The following KDM4B variants were observed in gnomAD, a reference collection of about 807,000 sequenced individuals.
KDM4B encodes lysine-specific demethylase 4B.
Under a neutral mutation model 125.2 loss-of-function variants are expected in KDM4B, and 32 were observed. The ratio of observed to expected loss-of-function variants is 0.26; its 90% CI spans 0.19 to 0.34. KDM4B has a LOEUF of 0.34. Among genes scored for constraint, KDM4B ranks in the 10% least tolerant of loss-of-function variants. The probability of loss-of-function intolerance (pLI) is 1.00; values close to 1 mark genes in which losing one functional copy is unlikely to be tolerated. For synonymous variants in KDM4B, 721 were observed against 677.9 expected (o/e 1.06, Z -0.99); for missense variants, 1,190 against 1,577.7 (o/e 0.75, Z 4.16).
chr19:5,150,472 G>T, intron 22 of KDM4B, 22 bp downstream of exon 22: 2 of 1,521,662 alleles, frequency 1.3e-6, no homozygotes. Context: ...AGGCTGGCCT[G>T]GTGGCTCCGG....
At chr19:5,001,015 T>C (rs1425770074) in intron 1 of KDM4B, among the ~76,000 whole-genome samples, 1 of 151,882 alleles carries the variant, frequency 6.6e-6, no homozygotes, top group African/African-American at 2.4e-5. Context: ...GAAGCAGATG[T>C]GTATTTTTTT....
At position 4,997,139 on chromosome 19, in the gene KDM4B, C is replaced by A. The variant is rs1272330099; in HGVS notation, c.-108-19118C>A. Among the ~76,000 whole-genome samples, 1 of 152,226 alleles carries A rather than the reference C, an allele frequency of 6.6e-6. No homozygotes were observed. The highest frequency in any genetic ancestry group is 1.5e-5 in the Non-Finnish European group (1 of 68,030). On this transcript the variant is annotated intron_variant, in intron 1 of 22. Transcript: ENST00000159111. The surrounding 1 kb of genome is among the most constrained non-coding windows in gnomAD (Gnocchi z 4.2). ...GACATCGGAAGGCATCCTCTGGGGGCACGATCAGCCTTGGTGGAGAACCCC... is the reference window on the plus strand; with the variant it reads ...GACATCGGAAGGCATCCTCTGGGGGAACGATCAGCCTTGGTGGAGAACCCC...
chr19:4,985,850 ACTGT>A (rs1473470916), intron 1 of KDM4B, among the ~76,000 whole-genome samples: 1 of 152,038 alleles, frequency 6.6e-6, no homozygotes, highest in Non-Finnish European at 1.5e-5. Context: ...GCGGATTGGG[ACTGT>A]CTGTCTCTGG....
chr19:5,084,511 T>TA (rs1049808408), intron 9 of KDM4B, among the ~76,000 whole-genome samples: 48 of 85,798 alleles, frequency 5.6e-4, no homozygotes, highest in Middle Eastern at 6.0e-3. Flanking sequence ...ATATTATATA[T>TA]AAATATAAAT....
At chr19:5,106,498 G>A (rs532609226) in intron 9 of KDM4B, among the ~76,000 whole-genome samples, 68 of 152,278 alleles carry the variant, frequency 4.5e-4, no homozygotes, top group Middle Eastern at 3.4e-3. Flanking sequence ...GGCCGAGTAG[G>A]GGCCGTGATG....
chr19:5,130,143 C>T (rs1188788818), intron 11 of KDM4B, among the ~76,000 whole-genome samples: 1 of 152,200 alleles, frequency 6.6e-6, no homozygotes, highest in Non-Finnish European at 1.5e-5. Flanking sequence ...CCCGCCTCAT[C>T]TTGTGAGGGC....
rs369582859 is a variant in KDM4B at position 4,992,323 on chromosome 19, G to A, written c.-109+23093G>A. On this transcript the variant is annotated intron_variant, in intron 1 of 22. Transcript: ENST00000159111. ...CTGTGCTCCATCTGCCTTAGTTTCC[G>A]TGTGCTCTTCTTTTTCCAGTGTCTT... Among the ~76,000 whole-genome samples, 13 of 152,130 alleles carry A rather than the reference G, an allele frequency of 8.5e-5. No individual in the cohort carries two copies. In the East Asian group the frequency reaches 2.1e-3, roughly 25 times the overall value.
chr19:5,144,142 G>A lies in KDM4B; in HGVS notation c.2726G>A (p.Gly909Glu). The part of the protein sequence containing the change: ...VSITCLKHKS[G>E]GHAVQLLRAV... The stretch of plus-strand genomic sequence containing the variant: ...ATCACCTGCCTCAAGCACAAGTCGG[G>A]GGGTCACGCTGTGAGTGCCTGCCCG... Residue 909 changes from glycine to glutamate, a missense_variant, in exon 19 of 23, where the codon GGG becomes GAG. Around this residue, in one of 7 missense-constraint regions of KDM4B, gnomAD observed 298 missense variants for 439.7 expected, o/e 0.68. Coordinates refer to ENST00000159111, the MANE Select transcript of KDM4B (RefSeq NM_015015.3). 1.3e-6 allele frequency: 2 copies of A among 1,596,198 alleles called. No individual in the cohort carries two copies. Among genetic ancestry groups the A allele is most frequent in the African/African-American group, 2.7e-5 (2 of 74,698 alleles).
intron 12 of KDM4B, 115 bp downstream of exon 12, chr19:5,131,660 G>GGGCGGGTGGGGTGGGGC: frequency 1.6e-6 from 1 of 627,348 alleles, no homozygotes; most frequent in Non-Finnish European, 2.7e-6. Context: ...GGGAGGAGGG[G>GGGCGGGTGGGGTGGGGC]ACAGGAGGGC....
intron 9 of KDM4B, among the ~76,000 whole-genome samples, chr19:5,085,830 C>A (rs562130311): frequency 6.6e-6 from 1 of 152,350 alleles, no homozygotes; most frequent in South Asian, 2.1e-4. Context: ...CAGCCGGCCC[C>A]TGACTCTGGC....
At chr19:5,118,137 G>C (rs568820085) in intron 10 of KDM4B, among the ~76,000 whole-genome samples, 1 of 152,122 alleles carries the variant, frequency 6.6e-6, no homozygotes. Context: ...CAGAAGCCCC[G>C]GCAGCGGGCC....
intron 7 of KDM4B, among the ~76,000 whole-genome samples, chr19:5,071,537 G>A (rs2037948395): frequency 6.6e-6 from 1 of 152,222 alleles, no homozygotes; most frequent in East Asian, 1.9e-4. Context: ...GACCCAACCT[G>A]GACACCTTTG....
intron 9 of KDM4B, among the ~76,000 whole-genome samples, chr19:5,098,446 A>T (rs900206672): frequency 1.3e-5 from 2 of 152,102 alleles, no homozygotes; most frequent in African/African-American, 2.4e-5. Flanking sequence ...CTTGTAGGTG[A>T]CTGGCAGGTC....
chr19:5,047,788 C>T (rs1467252993), intron 6 of KDM4B, 119 bp downstream of exon 6: 19 of 925,470 alleles, frequency 2.1e-5, no homozygotes, highest in Middle Eastern at 3.4e-4. Flanking sequence ...CCGCAAAGGT[C>T]GGCCTATGAC....
intron 9 of KDM4B, among the ~76,000 whole-genome samples, chr19:5,092,919 TC>T (rs869261481): frequency 1.4e-5 from 2 of 138,986 alleles, no homozygotes; most frequent in South Asian, 4.7e-4. Context: ...CAAGGAGGGA[TC>T]AGGGGAGGCC....
chr19:5,147,782 CG>C (rs2039877426), intron 21 of KDM4B, among the ~76,000 whole-genome samples: 1 of 150,964 alleles, frequency 6.6e-6, no homozygotes, highest in Non-Finnish European at 1.5e-5. Flanking sequence ...CCAGAGTGCT[CG>C]GGGCGGGGGG....
At chr19:5,011,918 C>T (rs897791653) in intron 1 of KDM4B, among the ~76,000 whole-genome samples, 1 of 152,226 alleles carries the variant, frequency 6.6e-6, no homozygotes, top group African/African-American at 2.4e-5. Flanking sequence ...CTTCTTCCGC[C>T]CCACCCGCGG....
At chr19:5,012,025 G>A (rs913576103) in intron 1 of KDM4B, among the ~76,000 whole-genome samples, 1 of 152,222 alleles carries the variant, frequency 6.6e-6, no homozygotes, top group Non-Finnish European at 1.5e-5. Context: ...TCGGTAGCTC[G>A]TGCTGTTTGG....
At chr19:5,046,170 C>G (rs563437345) in intron 5 of KDM4B, among the ~76,000 whole-genome samples, 3 of 152,246 alleles carry the variant, frequency 2.0e-5, no homozygotes, top group African/African-American at 7.2e-5. Context: ...TGCAGCCGCA[C>G]GCAGGCTGTG....
Sources: gnomAD v4.1 joint callset for allele counts (sites outside exome capture counted in the v4.1 genomes callset) on GRCh38, gnomAD v4.1.1 for gene constraint, gnomAD v4.1.1 regional missense constraint, Gnocchi (gnomAD v3.1) non-coding constraint, MANE v1.5 for transcripts, NCBI Gene and HGNC (gene_info 2026-07-23, HGNC 2026-07-21) for gene names.